Variants in ROBO2 observed in about 807,000 individuals in gnomAD.
ROBO2 encodes roundabout homolog 2.
In ROBO2, 53 loss-of-function variants were observed where a neutral mutation model predicts 160.8. The ratio of observed to expected loss-of-function variants is 0.33; its 90% CI spans 0.26 to 0.41. The LOEUF is 0.41. Among genes scored for constraint, ROBO2 ranks in the 10% least tolerant of loss-of-function variants. The pLI is 1.00. For synonymous variants in ROBO2, 664 were observed against 611.7 expected (o/e 1.09, Z -1.26); for missense variants, 1,577 against 1,722.4 (o/e 0.92, Z 1.49).
chr3:77,297,905 G>C (rs559332911), intron 2 of ROBO2, among the ~76,000 whole-genome samples: 1 of 152,240 alleles, frequency 6.6e-6, no homozygotes, highest in East Asian at 1.9e-4. Flanking sequence ...ACATGAGGAG[G>C]CATGCTAACA....
chr3:76,138,619 G>A (rs1246399344), intron 2 of ROBO2, among the ~76,000 whole-genome samples: 1 of 151,926 alleles, frequency 6.6e-6, no homozygotes, highest in East Asian at 1.9e-4. Flanking sequence ...TCAATCAAGA[G>A]AGAATAATTA....
At chr3:76,813,365 C>T (rs1439677243) in intron 2 of ROBO2, among the ~76,000 whole-genome samples, 1 of 151,982 alleles carries the variant, frequency 6.6e-6, no homozygotes, top group Non-Finnish European at 1.5e-5. Context: ...GGATTGATTC[C>T]TTTAATCATC....
intron 2 of ROBO2, among the ~76,000 whole-genome samples, chr3:76,471,578 T>G (rs2078657501): frequency 6.6e-6 from 1 of 152,124 alleles, no homozygotes; most frequent in African/African-American, 2.4e-5. Context: ...AAATGGAAGT[T>G]TTGCATAATT....
intron 2 of ROBO2, among the ~76,000 whole-genome samples, chr3:77,442,298 C>A (rs537075109): frequency 6.6e-6 from 1 of 150,802 alleles, no homozygotes; most frequent in East Asian, 2.0e-4. Flanking sequence ...GGCGACAGAG[C>A]GAGACTCCGG....
intron 23 of ROBO2, chr3:77,634,660 G>C (rs966287486): frequency 5.3e-6 from 3 of 564,730 alleles, no homozygotes; most frequent in Non-Finnish European, 6.4e-6. Flanking sequence ...GGGCCAGTGG[G>C]GGTGTTGTTA....
At chr3:77,051,979 A>G (rs2065271515) in intron 1 of ROBO2, among the ~76,000 whole-genome samples, 1 of 152,200 alleles carries the variant, frequency 6.6e-6, no homozygotes, top group South Asian at 2.1e-4. Context: ...CATTTACTGA[A>G]CCCTTTTTGA....
intron 2 of ROBO2, among the ~76,000 whole-genome samples, chr3:76,536,416 A>G (rs1329165213): frequency 3.9e-5 from 6 of 152,154 alleles, no homozygotes; most frequent in Admixed American, 6.5e-5. Context: ...CTGGCCCTTC[A>G]GGGTTTAGGG....
chr3:76,896,433 T>C (rs939066439), intron 2 of ROBO2, among the ~76,000 whole-genome samples: 2 of 152,120 alleles, frequency 1.3e-5, no homozygotes, highest in Non-Finnish European at 2.9e-5. Context: ...ACTACTTAAA[T>C]CCTGCATTTA....
At chr3:76,097,402 C>T (rs896895269) in intron 2 of ROBO2, among the ~76,000 whole-genome samples, 3 of 152,106 alleles carry the variant, frequency 2.0e-5, no homozygotes, top group East Asian at 1.9e-4. Context: ...TTGATGCTTC[C>T]GTGCTGGCCA....
At chr3:76,124,759 A>AT (rs1386738714) in intron 2 of ROBO2, among the ~76,000 whole-genome samples, 3 of 152,132 alleles carry the variant, frequency 2.0e-5, no homozygotes. Context: ...TATTACATAT[A>AT]TTTTTTTCTG....
intron 2 of ROBO2, among the ~76,000 whole-genome samples, chr3:76,436,084 G>T (rs533250882): frequency 6.7e-6 from 1 of 148,866 alleles, no homozygotes; most frequent in Non-Finnish European, 1.5e-5. Flanking sequence ...GGAAGTTAAT[G>T]GAGTCTTGGA....
intron 2 of ROBO2, among the ~76,000 whole-genome samples, chr3:76,289,252 T>G (rs1708683522): frequency 6.6e-6 from 1 of 152,208 alleles, no homozygotes. Flanking sequence ...ATTACCAATG[T>G]TGGGCATTTT....
intron 2 of ROBO2, among the ~76,000 whole-genome samples, chr3:76,263,325 G>C (rs569659402): frequency 6.6e-6 from 1 of 152,086 alleles, no homozygotes; most frequent in South Asian, 2.1e-4. Context: ...GGAACTCCTG[G>C]GCTCAGGCGA....
chr3:76,180,991 C>A (rs1228982426), intron 2 of ROBO2, among the ~76,000 whole-genome samples: 2 of 152,110 alleles, frequency 1.3e-5, no homozygotes, highest in African/African-American at 4.8e-5. Context: ...CCTGACTCTA[C>A]TCCTTTTGTC....
intron 2 of ROBO2, among the ~76,000 whole-genome samples, chr3:76,691,213 A>G (rs1415814012): frequency 6.6e-6 from 1 of 152,066 alleles, no homozygotes; most frequent in Non-Finnish European, 1.5e-5. Flanking sequence ...AGTTCGGCCC[A>G]ATTTTTCTAT....
intron 2 of ROBO2, among the ~76,000 whole-genome samples, chr3:76,366,035 T>C (rs1417241472): frequency 6.6e-6 from 1 of 152,026 alleles, no homozygotes; most frequent in Non-Finnish European, 1.5e-5. Context: ...CTGGGTCTCA[T>C]GGATGTGCTG....
chr3:76,374,493 A>G (rs935727378), intron 2 of ROBO2, among the ~76,000 whole-genome samples: 4 of 152,088 alleles, frequency 2.6e-5, no homozygotes, highest in South Asian at 2.1e-4. Flanking sequence ...CGTGTTCTCT[A>G]AACAAAAAAT....
intron 2 of ROBO2, among the ~76,000 whole-genome samples, chr3:77,282,405 G>T (rs1028039625): frequency 2.0e-5 from 3 of 151,986 alleles, no homozygotes; most frequent in African/African-American, 7.2e-5. Context: ...TTTACTAAGT[G>T]ACCAGAATAA....
At chr3:77,499,182 T>C (rs2087194031) in intron 5 of ROBO2, among the ~76,000 whole-genome samples, 1 of 152,252 alleles carries the variant, frequency 6.6e-6, no homozygotes, top group Admixed American at 6.5e-5. Context: ...TGCTACTGTT[T>C]GATCATTTAG....
Sources: gnomAD v4.1 joint callset for allele counts (sites outside exome capture counted in the v4.1 genomes callset) on GRCh38, gnomAD v4.1.1 for gene constraint, MANE v1.5 for transcripts, NCBI Gene and HGNC (gene_info 2026-07-23, HGNC 2026-07-21) for gene names.